LAMP3: variants seen among roughly 807,000 people sequenced by gnomAD.
LAMP3 encodes the protein lysosome-associated membrane glycoprotein 3.
LAMP3 carries 26 observed loss-of-function variants against 34.8 expected under a neutral mutation model. The ratio of observed to expected loss-of-function variants is 0.75; its 90% CI spans 0.55 to 1.04. The LOEUF (loss-of-function observed/expected upper bound fraction) is 1.04, where lower values mean the gene tolerates loss of function less well. LAMP3 is among the 50% of genes least tolerant of loss of function. LAMP3 has a pLI of 0.00. For synonymous variants in LAMP3, 180 were observed against 201.9 expected (o/e 0.89, Z 0.92); for missense variants, 495 against 524.0 (o/e 0.94, Z 0.54).
At chr3:183,145,554 T>C (rs1245453974) in intron 3 of LAMP3, among the ~76,000 whole-genome samples, 5 of 152,166 alleles carry the variant, frequency 3.3e-5, no homozygotes, top group Non-Finnish European at 5.9e-5. Flanking sequence ...AGTATTTCAA[T>C]TTAAAAAACT....
At chr3:183,161,206 C>G (rs1305706710) in intron 1 of LAMP3, among the ~76,000 whole-genome samples, 1 of 152,082 alleles carries the variant, frequency 6.6e-6, no homozygotes, top group Non-Finnish European at 1.5e-5. Flanking sequence ...TGGGAAGGGT[C>G]AGGGCAAGGG....
chr3:183,161,877 G>T, intron 1 of LAMP3: 1 of 720,252 alleles, frequency 1.4e-6, no homozygotes, highest in Non-Finnish European at 1.7e-6. Flanking sequence ...TGTGGCGCAG[G>T]GGAGAACTGC....
chr3:183,144,853 C>A (rs1261984410), intron 3 of LAMP3, among the ~76,000 whole-genome samples: 1 of 152,160 alleles, frequency 6.6e-6, no homozygotes, highest in African/African-American at 2.4e-5. Context: ...CTGCAGTGAG[C>A]CTGATCGTGC....
Position 183,135,812 on chromosome 3 carries a change from C to G in LAMP3, c.1022G>C (p.Ser341Thr). The change falls in exon 5 of 6, where the codon AGT (serine) becomes ACT (threonine). Residue 341 changes from serine to threonine, a missense_variant. Transcript: ENST00000265598. ...TAVGHSFKCV[S>T]EQSLQLSAHL... ...GGCTGACAACTGGAGGCTCTGTTCA[C>G]TCACGCACTTGAAGGAATGCCCGAC... is the stretch of plus-strand genomic sequence containing the variant. 1 of 1,614,072 alleles carries G rather than the reference C, an allele frequency of 6.2e-7. No individual in the cohort carries two copies. Among genetic ancestry groups the G allele is most frequent in the Non-Finnish European group, 8.5e-7 (1 of 1,179,906 alleles).
chr3:183,155,527 A>C (rs1303172051), intron 1 of LAMP3, among the ~76,000 whole-genome samples: 2 of 152,214 alleles, frequency 1.3e-5, no homozygotes, highest in Non-Finnish European at 2.9e-5. Context: ...CTTATATAAA[A>C]TAGTTCCCCA....
In LAMP3 at chr3:183,123,779, C is replaced by T. The variant is rs1362754877; in HGVS notation, c.*302G>A. 3 of 304,912 alleles carry T rather than the reference C, an allele frequency of 9.8e-6. No homozygotes were observed. Among genetic ancestry groups the T allele is most frequent in the African/African-American group, 4.5e-5 (2 of 44,302 alleles). The allele number at this position is 304,912 out of a possible 1,614,324, so 18.9% of individuals were successfully genotyped here. A position where few individuals can be genotyped will look rare whatever the true frequency, so the allele number is the denominator to read the frequency against. On this transcript the variant is annotated 3_prime_UTR_variant, in exon 6 of 6. Coordinates refer to ENST00000265598, the MANE Select transcript of LAMP3 (RefSeq NM_014398.4). ...TTGGTTTATAATTTGAAGGCTTATT[C>T]TACTTTACATATATTATGTTAATTC...
chr3:183,162,867 C>G (rs1721021605), upstream of LAMP3: 1 of 527,506 alleles, frequency 1.9e-6, no homozygotes, highest in Non-Finnish European at 3.3e-6. Context: ...TCGGCGCAGC[C>G]GCCGGGGCCC....
At chr3:183,162,808 A>C, upstream of LAMP3, 1 of 687,838 alleles carries the variant, frequency 1.5e-6, no homozygotes, top group Non-Finnish European at 2.3e-6. Flanking sequence ...CGGGGAGGGA[A>C]ACTCCGCCGG....
Position 183,153,945 on chromosome 3 carries a change from T to G in LAMP3, c.496A>C (p.Thr166Pro). ...TGNTTQPSNQ[T>P]TLPATLSIAL... is the part of the protein sequence containing the mutation. ...ATCGATAAAGTTGCTGGAAGGGTGG[T>G]CTGGTTACTGGGTTGAGTGGTGTTC... The change falls in exon 2 of 6, where the codon ACC (threonine) becomes CCC (proline). Residue 166 changes from threonine (T) to proline (P), a missense_variant. Coordinates refer to ENST00000265598, the MANE Select transcript of LAMP3 (RefSeq NM_014398.4). 1 of 1,614,188 alleles carries G rather than the reference T, an allele frequency of 6.2e-7. No homozygotes were observed.
intron 1 of LAMP3, chr3:183,161,913 C>G: frequency 5.1e-6 from 5 of 976,854 alleles, no homozygotes; most frequent in Non-Finnish European, 6.1e-6. Flanking sequence ...TGGCACGACC[C>G]TTCTCACCTC....
intron 5 of LAMP3, among the ~76,000 whole-genome samples, chr3:183,131,431 A>G (rs1425964170): frequency 6.6e-6 from 1 of 152,190 alleles, no homozygotes; most frequent in African/African-American, 2.4e-5. Context: ...AGGAGGTGGA[A>G]GGAGATCACA....
Position 183,150,901 on chromosome 3 carries a change from C to T in LAMP3, c.888+1474G>A, listed in dbSNP as rs574387896. On this transcript the variant is annotated intron_variant, in intron 3 of 5. Transcript: ENST00000265598. ...TTCCAGGGATAGAGCAGTTACTCTACCCTGAATGTCTTCCCATTTTGTGTG... is the reference window on the plus strand; with the variant it reads ...TTCCAGGGATAGAGCAGTTACTCTATCCTGAATGTCTTCCCATTTTGTGTG... Among the ~76,000 whole-genome samples, 4 of 152,250 alleles carry T rather than the reference C, an allele frequency of 2.6e-5. No individual in the cohort carries two copies. In the South Asian group the frequency reaches 8.3e-4, roughly 32 times the overall value.
chr3:183,153,456 T>C (rs1720719599), intron 2 of LAMP3, among the ~76,000 whole-genome samples: 1 of 152,184 alleles, frequency 6.6e-6, no homozygotes, highest in African/African-American at 2.4e-5. Flanking sequence ...TGTGAATATT[T>C]AAAGTTTTGT....
intron 3 of LAMP3, among the ~76,000 whole-genome samples, chr3:183,141,404 T>C (rs75083505): frequency 4.6e-5 from 7 of 152,290 alleles, no homozygotes; most frequent in Non-Finnish European, 1.0e-4. Flanking sequence ...GGGAACTGAA[T>C]TGGGGTGTAG....
chr3:183,161,868 G>C (rs1720984457), intron 1 of LAMP3: 1 of 610,180 alleles, frequency 1.6e-6, no homozygotes, highest in African/African-American at 2.0e-5. Context: ...GTGTGAAAGT[G>C]TGGCGCAGGG....
At chr3:183,132,725 C>A (rs981040021) in intron 5 of LAMP3, 8 of 985,312 alleles carry the variant, frequency 8.1e-6, no homozygotes, top group African/African-American at 3.5e-5. Context: ...GTGCAACAGG[C>A]AACGAGACAG....
chr3:183,135,914 A>G (rs1383249438), intron 4 of LAMP3, 27 bp from the exon 5 acceptor site: 3 of 1,573,110 alleles, frequency 1.9e-6, no homozygotes. Flanking sequence ...TAGATGCATA[A>G]GAGTCCTGAG....
At chr3:183,141,808 C>A (rs1720292348) in intron 3 of LAMP3, among the ~76,000 whole-genome samples, 1 of 152,190 alleles carries the variant, frequency 6.6e-6, no homozygotes, top group African/African-American at 2.4e-5. Flanking sequence ...GCAGGCACTT[C>A]CAAGCACTTG....
intron 3 of LAMP3, among the ~76,000 whole-genome samples, chr3:183,151,237 A>C (rs1720620447): frequency 6.6e-6 from 1 of 152,096 alleles, no homozygotes; most frequent in African/African-American, 2.4e-5. Flanking sequence ...GGGGTCTCTC[A>C]GTGCCTCCTC....
Sources: allele counts gnomAD v4.1 joint callset (sites outside exome capture counted in the v4.1 genomes callset), GRCh38; gene constraint gnomAD v4.1.1; transcripts MANE v1.5; gene names NCBI Gene and HGNC (gene_info 2026-07-23, HGNC 2026-07-21).